Variants in TECRL observed in about 807,000 individuals in gnomAD.
TECRL encodes the protein trans-2,3-enoyl-CoA reductase like, also known as trans-2,3-enoyl-CoA reductase-like.
Under a neutral mutation model 52.8 loss-of-function variants are expected in TECRL, and 63 were observed. The observed-to-expected ratio is 1.19, with a 90% CI of 0.97 to 1.47. The LOEUF (loss-of-function observed/expected upper bound fraction) is 1.47, where lower values mean the gene tolerates loss of function less well. Among genes scored for constraint, TECRL ranks in the 40% most tolerant of loss-of-function variants. The pLI is 0.00. For missense variants in TECRL, 482 were observed against 429.6 expected (o/e 1.12, Z -1.08); for synonymous variants, 164 against 141.9 (o/e 1.16, Z -1.10).
chr4:64,394,907 ATTTTT>A (rs751448355), intron 1 of TECRL, among the ~76,000 whole-genome samples: 2 of 105,116 alleles, frequency 1.9e-5, no homozygotes, highest in African/African-American at 8.1e-5. Flanking sequence ...ATTAACAAGC[ATTTTT>A]TTTTTTTTTT....
intron 3 of TECRL, 94 bp from the exon 4 acceptor site, chr4:64,322,886 A>C (rs1718005428): frequency 1.2e-6 from 1 of 856,040 alleles, no homozygotes; most frequent in African/African-American, 1.7e-5. Context: ...AAAGCTAAAG[A>C]TTAATTTAAT....
intron 9 of TECRL, among the ~76,000 whole-genome samples, chr4:64,284,372 C>A (rs1722980149): frequency 6.6e-6 from 1 of 151,974 alleles, no homozygotes; most frequent in Admixed American, 6.6e-5. Context: ...TCTTTCTATG[C>A]AAGGAATTTT....
At chr4:64,346,523 C>T (rs1051509286) in intron 2 of TECRL, among the ~76,000 whole-genome samples, 1 of 152,268 alleles carries the variant, frequency 6.6e-6, no homozygotes, top group African/African-American at 2.4e-5. Flanking sequence ...AGCTGCCAAG[C>T]CTAGGGGCTT....
intron 5 of TECRL, among the ~76,000 whole-genome samples, chr4:64,313,977 C>CAAAAAA (rs752037972): frequency 1.3e-4 from 8 of 61,956 alleles, no homozygotes; most frequent in East Asian, 5.7e-4. Context: ...ACTAAAAATA[C>CAAAAAA]AAAAAAAAAA....
chr4:64,293,715 G>T (rs1723521860), intron 8 of TECRL, among the ~76,000 whole-genome samples: 1 of 151,754 alleles, frequency 6.6e-6, no homozygotes, highest in Non-Finnish European at 1.5e-5. Context: ...TTAAAGAAAT[G>T]AAAATGATGT....
chr4:64,353,205 C>T (rs6835369), intron 2 of TECRL, among the ~76,000 whole-genome samples: 138,006 of 152,200 alleles, frequency 0.91, 62,971 homozygotes, highest in East Asian at 0.98. Context: ...AAGAAGTTCT[C>T]AGAGAGTAAT....
At chr4:64,287,230 T>C (rs1191700808) in intron 9 of TECRL, among the ~76,000 whole-genome samples, 1 of 152,162 alleles carries the variant, frequency 6.6e-6, no homozygotes. Context: ...ACATAATTTA[T>C]CACCAATACT....
chr4:64,318,318 T>C (rs1717654551), intron 4 of TECRL, among the ~76,000 whole-genome samples: 1 of 151,946 alleles, frequency 6.6e-6, no homozygotes, highest in African/African-American at 2.4e-5. Flanking sequence ...AAAGATAAGG[T>C]TGAGATTTTC....
At chr4:64,394,335 T>C (rs968452072) in intron 1 of TECRL, among the ~76,000 whole-genome samples, 8 of 152,134 alleles carry the variant, frequency 5.3e-5, no homozygotes, top group African/African-American at 1.7e-4. Context: ...TTCCTCATTG[T>C]TGTGTAGCTA....
chr4:64,309,385 A>C, intron 6 of TECRL, among the ~76,000 whole-genome samples: 1 of 152,144 alleles, frequency 6.6e-6, no homozygotes, highest in East Asian at 1.9e-4. Flanking sequence ...TTGATAGTTC[A>C]TAACTGTTGC....
At chr4:64,280,537 A>G (rs1722772529) in intron 11 of TECRL, among the ~76,000 whole-genome samples, 1 of 152,160 alleles carries the variant, frequency 6.6e-6, no homozygotes, top group Non-Finnish European at 1.5e-5. Context: ...CACATAATAT[A>G]ATAAACCACA....
chr4:64,393,781 T>G (rs1268868616), intron 1 of TECRL, among the ~76,000 whole-genome samples: 1 of 151,940 alleles, frequency 6.6e-6, no homozygotes, highest in Admixed American at 6.6e-5. Context: ...AAAAAATTAT[T>G]ATCTGGAGTG....
chr4:64,333,128 T>C (rs904903564), intron 2 of TECRL, among the ~76,000 whole-genome samples: 1 of 152,016 alleles, frequency 6.6e-6, no homozygotes, highest in African/African-American at 2.4e-5. Context: ...GATGTAAGTA[T>C]ATAATTGCTA....
intron 1 of TECRL, among the ~76,000 whole-genome samples, chr4:64,387,981 T>C (rs1723293145): frequency 6.6e-6 from 1 of 151,816 alleles, no homozygotes; most frequent in Non-Finnish European, 1.5e-5. Context: ...CTTTTTATTT[T>C]CTTGGCACCA....
chr4:64,385,356 G>A (rs950677969), intron 1 of TECRL, among the ~76,000 whole-genome samples: 5 of 152,198 alleles, frequency 3.3e-5, no homozygotes, highest in Non-Finnish European at 5.9e-5. Context: ...CAGGTTTGGA[G>A]CAGCCTGTTG....
At chr4:64,302,638 C>G (rs1046594811) in intron 7 of TECRL, among the ~76,000 whole-genome samples, 1 of 151,072 alleles carries the variant, frequency 6.6e-6, no homozygotes, top group Non-Finnish European at 1.5e-5. Context: ...ATGTTGTAAG[C>G]ATGCATAATT....
At chr4:64,388,619 T>A (rs958640348) in intron 1 of TECRL, among the ~76,000 whole-genome samples, 1 of 151,870 alleles carries the variant, frequency 6.6e-6, no homozygotes, top group African/African-American at 2.4e-5. Context: ...TGGAAGGAAT[T>A]GACATCTTGA....
chr4:64,406,449 T>G (rs2109796911), intron 1 of TECRL, among the ~76,000 whole-genome samples: 1 of 152,042 alleles, frequency 6.6e-6, no homozygotes, highest in Admixed American at 6.6e-5. Context: ...ATTTAAATTC[T>G]TAGCAAGTTA....
At chr4:64,360,409 T>C (rs1721091726) in intron 2 of TECRL, among the ~76,000 whole-genome samples, 1 of 152,214 alleles carries the variant, frequency 6.6e-6, no homozygotes, top group African/African-American at 2.4e-5. Flanking sequence ...TATTTTGAAG[T>C]ATGTTTCAGC....
Sources: allele counts gnomAD v4.1 joint callset (sites outside exome capture counted in the v4.1 genomes callset), GRCh38; gene constraint gnomAD v4.1.1; transcripts MANE v1.5; gene names NCBI Gene and HGNC (gene_info 2026-07-23, HGNC 2026-07-21).